Variants in ASIC2 observed in about 807,000 individuals in gnomAD.
ASIC2 encodes acid-sensing ion channel 2.
In ASIC2, 25 loss-of-function variants were observed where a neutral mutation model predicts 57.3. The observed-to-expected ratio is 0.44, with a 90% CI of 0.32 to 0.61. The LOEUF (loss-of-function observed/expected upper bound fraction) is 0.61, where lower values mean the gene tolerates loss of function less well. Ranked by LOEUF, ASIC2 falls within the 20% of genes least tolerant of loss-of-function variation. The probability of loss-of-function intolerance (pLI) is 0.06; values close to 1 mark genes in which losing one functional copy is unlikely to be tolerated. For missense variants in ASIC2, 641 were observed against 738.1 expected (o/e 0.87, Z 1.52); for synonymous variants, 319 against 307.5 (o/e 1.04, Z -0.39).
intron 1 of ASIC2, among the ~76,000 whole-genome samples, chr17:33,749,587 G>A (rs923228650): frequency 1.5e-4 from 23 of 151,982 alleles, no homozygotes; most frequent in South Asian, 2.1e-4. Context: ...CATCTGGACC[G>A]CCCTCTCCAT....
chr17:33,287,246 C>T (rs943676043), intron 1 of ASIC2, among the ~76,000 whole-genome samples: 1 of 152,218 alleles, frequency 6.6e-6, no homozygotes, highest in African/African-American at 2.4e-5. Context: ...CTGTCCAAGG[C>T]ACAGAGCTAG....
At chr17:33,366,616 C>A (rs924603416) in intron 1 of ASIC2, among the ~76,000 whole-genome samples, 2 of 152,228 alleles carry the variant, frequency 1.3e-5, no homozygotes, top group Non-Finnish European at 2.9e-5. Context: ...TCTCTTATAA[C>A]CCTCACTAAA....
intron 1 of ASIC2, among the ~76,000 whole-genome samples, chr17:33,215,503 T>C (rs1247985265): frequency 6.6e-6 from 1 of 152,158 alleles, no homozygotes. Flanking sequence ...AATGTTAATG[T>C]TATAAAGGAA....
intron 1 of ASIC2, among the ~76,000 whole-genome samples, chr17:33,869,115 C>T (rs1463230114): frequency 1.3e-5 from 2 of 152,080 alleles, no homozygotes; most frequent in Non-Finnish European, 2.9e-5. Flanking sequence ...AGATAATCCT[C>T]CAAGGAAGAT....
intron 1 of ASIC2, among the ~76,000 whole-genome samples, chr17:33,874,236 T>C (rs984754132): frequency 6.6e-6 from 1 of 152,186 alleles, no homozygotes; most frequent in African/African-American, 2.4e-5. Context: ...ATGTCTATTT[T>C]ACCCTTCTTG....
chr17:33,762,751 T>C (rs935412236), intron 1 of ASIC2, among the ~76,000 whole-genome samples: 6 of 152,122 alleles, frequency 3.9e-5, no homozygotes, highest in Non-Finnish European at 7.4e-5. Flanking sequence ...CTGTATTTGA[T>C]GGTAGGAGGG....
At chr17:33,320,458 A>C (rs1567822045) in intron 1 of ASIC2, among the ~76,000 whole-genome samples, 1 of 152,182 alleles carries the variant, frequency 6.6e-6, no homozygotes, top group Non-Finnish European at 1.5e-5. Context: ...TTCTATAGAC[A>C]ACAAAACAGA....
intron 1 of ASIC2, among the ~76,000 whole-genome samples, chr17:34,072,828 G>C (rs1027526801): frequency 6.6e-6 from 1 of 152,094 alleles, no homozygotes; most frequent in African/African-American, 2.4e-5. Flanking sequence ...AATTTATTTG[G>C]TCTTTTTTCT....
chr17:33,322,026 A>G (rs1371813522), intron 1 of ASIC2, among the ~76,000 whole-genome samples: 2 of 152,202 alleles, frequency 1.3e-5, no homozygotes, highest in African/African-American at 4.8e-5. Context: ...ACCACAGTGG[A>G]TCCATGGCTC....
intron 1 of ASIC2, among the ~76,000 whole-genome samples, chr17:33,183,320 C>A (rs1906060668): frequency 1.3e-5 from 2 of 152,220 alleles, no homozygotes; most frequent in South Asian, 4.2e-4. Flanking sequence ...AAATTACCAA[C>A]TAAGATATAA....
At chr17:33,497,504 C>T (rs963800999) in intron 1 of ASIC2, among the ~76,000 whole-genome samples, 4 of 152,042 alleles carry the variant, frequency 2.6e-5, no homozygotes, top group African/African-American at 4.8e-5. Context: ...AGCTGGCAAA[C>T]AGTCAGCGAA....
At chr17:33,239,985 T>C (rs1908441175) in intron 1 of ASIC2, among the ~76,000 whole-genome samples, 1 of 152,238 alleles carries the variant, frequency 6.6e-6, no homozygotes, top group Non-Finnish European at 1.5e-5. Context: ...ATCTGCCAGT[T>C]GACTTGCCTG....
intron 1 of ASIC2, among the ~76,000 whole-genome samples, chr17:33,248,361 A>G (rs1412122456): frequency 2.6e-5 from 4 of 152,226 alleles, no homozygotes; most frequent in African/African-American, 9.6e-5. Context: ...AGCCACTGAG[A>G]TGCCTGCAGC....
chr17:33,443,716 G>A (rs1478983277), intron 1 of ASIC2, among the ~76,000 whole-genome samples: 2 of 152,044 alleles, frequency 1.3e-5, no homozygotes, highest in East Asian at 1.9e-4. Context: ...GCGCCCGGCC[G>A]GAGGGTAAGA....
chr17:33,383,402 G>T (rs1204515313), intron 1 of ASIC2, among the ~76,000 whole-genome samples: 1 of 152,214 alleles, frequency 6.6e-6, no homozygotes. Context: ...AAAGTAGCAT[G>T]TTCGGCTCCT....
At chr17:33,506,248 A>T (rs1434366775) in intron 1 of ASIC2, among the ~76,000 whole-genome samples, 2 of 151,058 alleles carry the variant, frequency 1.3e-5, no homozygotes, top group Non-Finnish European at 3.0e-5. Flanking sequence ...CAAAAAAAAA[A>T]AAAAAAAAGA....
chr17:33,031,022 A>G (rs1418815835), intron 3 of ASIC2, among the ~76,000 whole-genome samples: 1 of 152,168 alleles, frequency 6.6e-6, no homozygotes, highest in African/African-American at 2.4e-5. Flanking sequence ...TGCTGACCTC[A>G]TAAAATTAGT....
chr17:33,616,613 C>T (rs529192499), intron 1 of ASIC2, among the ~76,000 whole-genome samples: 1 of 152,310 alleles, frequency 6.6e-6, no homozygotes, highest in Non-Finnish European at 1.5e-5. Flanking sequence ...CAGTTAATAA[C>T]TGGACATGCT....
chr17:33,616,264 G>T (rs12947832), intron 1 of ASIC2, among the ~76,000 whole-genome samples: 231 of 139,660 alleles, frequency 1.7e-3, no homozygotes, highest in African/African-American at 5.6e-3. Flanking sequence ...GGGGGTGGGT[G>T]GGGGGGTGGG....
Sources: gnomAD v4.1 joint callset for allele counts (sites outside exome capture counted in the v4.1 genomes callset) on GRCh38, gnomAD v4.1.1 for gene constraint, MANE v1.5 for transcripts, NCBI Gene and HGNC (gene_info 2026-07-23, HGNC 2026-07-21) for gene names.